AAK1: variants seen among roughly 807,000 people sequenced by gnomAD.
AAK1 encodes the protein AP2-associated protein kinase 1.
Under a neutral mutation model 116.0 loss-of-function variants are expected in AAK1, and 37 were observed. The ratio of observed to expected loss-of-function variants is 0.32; its 90% CI spans 0.25 to 0.42. The LOEUF is 0.42. AAK1 is among the 10% of genes least tolerant of loss of function. The pLI is 1.00. For synonymous variants in AAK1, 458 were observed against 439.9 expected (o/e 1.04, Z -0.51); for missense variants, 919 against 1,170.6 (o/e 0.79, Z 3.14).
At chr2:69,620,463 T>G (rs1289641078) in intron 2 of AAK1, among the ~76,000 whole-genome samples, 1 of 152,190 alleles carries the variant, frequency 6.6e-6, no homozygotes, top group African/African-American at 2.4e-5. Flanking sequence ...CTTATGAACA[T>G]TTCTCAAAGA....
chr2:69,589,219 G>C (rs887200395), intron 2 of AAK1, among the ~76,000 whole-genome samples: 1 of 152,182 alleles, frequency 6.6e-6, no homozygotes, highest in African/African-American at 2.4e-5. Flanking sequence ...TTCAAAGTCA[G>C]GAAATAAACT....
intron 17 of AAK1, among the ~76,000 whole-genome samples, chr2:69,484,783 G>A (rs1473609738): frequency 1.3e-5 from 2 of 151,622 alleles, no homozygotes; most frequent in East Asian, 3.9e-4. Context: ...GCTGAGGCAA[G>A]AGAATTGCTT....
At chr2:69,599,667 T>C (rs11898395) in intron 2 of AAK1, among the ~76,000 whole-genome samples, 17,419 of 152,168 alleles carry the variant, frequency 0.11, 2,299 homozygotes, top group African/African-American at 0.3. Context: ...GTATCAGTAA[T>C]CTCTTGGACT....
intron 2 of AAK1, among the ~76,000 whole-genome samples, chr2:69,599,461 G>A (rs1415484288): frequency 3.3e-5 from 5 of 150,324 alleles, no homozygotes; most frequent in African/African-American, 9.8e-5. Context: ...GATCCTTCAC[G>A]ATGTTGCAGT....
chr2:69,630,412 A>G (rs1380581856), intron 2 of AAK1, among the ~76,000 whole-genome samples: 1 of 151,316 alleles, frequency 6.6e-6, no homozygotes, highest in Non-Finnish European at 1.5e-5. Context: ...CCAAAACTCT[A>G]ACTCCACCAG....
intron 2 of AAK1, among the ~76,000 whole-genome samples, chr2:69,572,730 G>A (rs1416320408): frequency 6.6e-6 from 1 of 152,026 alleles, no homozygotes; most frequent in African/African-American, 2.4e-5. Flanking sequence ...CCCAGTCCTG[G>A]CTGTGTGAAA....
intron 17 of AAK1, among the ~76,000 whole-genome samples, chr2:69,492,292 C>T (rs547864473): frequency 6.6e-6 from 1 of 151,784 alleles, no homozygotes; most frequent in Non-Finnish European, 1.5e-5. Flanking sequence ...CAGCTCACTG[C>T]AATCTCTGCC....
At chr2:69,575,687 C>T (rs1292080436) in intron 2 of AAK1, among the ~76,000 whole-genome samples, 1 of 152,038 alleles carries the variant, frequency 6.6e-6, no homozygotes, top group African/African-American at 2.4e-5. Context: ...AGGCTGGTCT[C>T]GAACTCTTAA....
At chr2:69,505,761 T>G (rs1676159840) in intron 15 of AAK1, 88 bp from the exon 16 acceptor site, 5 of 969,082 alleles carry the variant, frequency 5.2e-6, no homozygotes, top group Admixed American at 2.2e-5. Context: ...TTCTCTGAAC[T>G]GACTTCTGGA....
chr2:69,536,010 A>C (rs1217011961), intron 5 of AAK1, among the ~76,000 whole-genome samples: 1 of 152,246 alleles, frequency 6.6e-6, no homozygotes, highest in Non-Finnish European at 1.5e-5. Context: ...TATTTCATAT[A>C]ATCCTTACAA....
At chr2:69,508,474 G>A (rs1397150687) in intron 14 of AAK1, among the ~76,000 whole-genome samples, 1 of 152,212 alleles carries the variant, frequency 6.6e-6, no homozygotes, top group African/African-American at 2.4e-5. Flanking sequence ...GTCTGAAACT[G>A]CATTTACTCA....
At position 69,527,266 on chromosome 2, in the gene AAK1, A is replaced by G; in HGVS notation, c.925T>C (p.Tyr309His). Residue 309 changes from tyrosine to histidine, a missense_variant, in exon 9 of 22, where the codon TAC becomes CAC. By Grantham distance (83) the Tyr-to-His change is moderately conservative. This residue lies in a region of AAK1 where 317 missense variants were observed against 490.4 expected (regional missense o/e 0.65). Transcript: ENST00000409085. Reference sequence around the variant, plus strand: ...TTCTTGAGTAGCTTAAATGAGAAGTAGGACACCTGGTAAATATCCGGCCTT... The same window carrying G: ...TTCTTGAGTAGCTTAAATGAGAAGTGGGACACCTGGTAAATATCCGGCCTT... ...DKRPDIYQVSYFSFKLLKKEC... is the reference protein window; with the variant it reads ...DKRPDIYQVSHFSFKLLKKEC... The G allele has an allele frequency of 6.2e-7, 1 of 1,610,482 alleles. No homozygotes were observed.
At chr2:69,564,017 C>A (rs1671759433) in intron 2 of AAK1, among the ~76,000 whole-genome samples, 1 of 152,046 alleles carries the variant, frequency 6.6e-6, no homozygotes. Flanking sequence ...CATGGTGAAA[C>A]CCTGTCTCTA....
chr2:69,514,951 G>C (rs962434946), intron 12 of AAK1, among the ~76,000 whole-genome samples: 13 of 152,166 alleles, frequency 8.5e-5, no homozygotes, highest in Admixed American at 3.3e-4. Flanking sequence ...ACACTGCTAG[G>C]CTCCATCCAT....
In AAK1 at chr2:69,470,687, T is replaced by C. The variant is rs562779071; in HGVS notation, c.*5182A>G. 22 of 985,450 alleles carry C rather than the reference T, an allele frequency of 2.2e-5. No individual in the cohort carries two copies. Among genetic ancestry groups the C allele is most frequent in the Admixed American group, 6.1e-5 (1 of 16,282 alleles). 61.0% of individuals were successfully genotyped at this position (985,450 alleles called of 1,614,324 possible). A position where few individuals can be genotyped will look rare whatever the true frequency, so the allele number is the denominator to read the frequency against. On this transcript the variant is annotated 3_prime_UTR_variant, in exon 22 of 22. Coordinates refer to ENST00000409085, the MANE Select transcript of AAK1 (RefSeq NM_014911.5). ...TTTTACAACCCTGAGTCTGGTCATA[T>C]CCAGTGTAGGCTGGCAGGCGTCTTA... is the stretch of plus-strand genomic sequence containing the variant.
At chr2:69,558,029 G>T (rs1323182018) in intron 2 of AAK1, among the ~76,000 whole-genome samples, 1 of 152,114 alleles carries the variant, frequency 6.6e-6, no homozygotes, top group Non-Finnish European at 1.5e-5. Flanking sequence ...TTCTCTAAAA[G>T]ACAGTTCACA....
chr2:69,471,110 A>G lies in AAK1; in HGVS notation c.*4759T>C. On this transcript the variant is annotated 3_prime_UTR_variant, in exon 22 of 22. Coordinates refer to ENST00000409085, the MANE Select transcript of AAK1 (RefSeq NM_014911.5). ...CGCGTTAAAGACCTATGATAAACACACATCCACATGACAAAGGAGAGTGCA... is the reference window on the plus strand; with the variant it reads ...CGCGTTAAAGACCTATGATAAACACGCATCCACATGACAAAGGAGAGTGCA... The G allele has an allele frequency of 1.0e-6, 1 of 985,830 alleles. No individual in the cohort carries two copies. The highest frequency in any genetic ancestry group is 1.2e-6 in the Non-Finnish European group (1 of 829,944). The allele number at this position is 985,830 out of a possible 1,614,324, so 61.1% of individuals were successfully genotyped here.
intron 2 of AAK1, among the ~76,000 whole-genome samples, chr2:69,562,747 A>G (rs1558963900): frequency 1.3e-5 from 2 of 152,138 alleles, no homozygotes; most frequent in South Asian, 4.1e-4. Flanking sequence ...AAAATTAGCC[A>G]GGCGTGGTGG....
intron 2 of AAK1, among the ~76,000 whole-genome samples, chr2:69,641,100 G>A (rs1675702433): frequency 6.6e-6 from 1 of 152,230 alleles, no homozygotes; most frequent in Non-Finnish European, 1.5e-5. Flanking sequence ...GAGGAAGGCA[G>A]CCTAGGTAAC....
Sources: gnomAD v4.1 joint callset for allele counts (sites outside exome capture counted in the v4.1 genomes callset) on GRCh38, gnomAD v4.1.1 for gene constraint, gnomAD v4.1.1 regional missense constraint, MANE v1.5 for transcripts, NCBI Gene and HGNC (gene_info 2026-07-23, HGNC 2026-07-21) for gene names.